Variants in CACNA1C observed in about 807,000 individuals in gnomAD.
The protein encoded by CACNA1C is calcium voltage-gated channel subunit alpha1 C, also known as voltage-dependent L-type calcium channel subunit alpha-1C.
Under a neutral mutation model 229.0 loss-of-function variants are expected in CACNA1C, and 30 were observed. That is an observed-to-expected ratio of 0.13 (90% CI 0.10 to 0.18). CACNA1C has a LOEUF of 0.18. Ranked by LOEUF, CACNA1C falls within the 10% of genes least tolerant of loss-of-function variation. The pLI is 1.00. For synonymous variants in CACNA1C, 1,114 were observed against 1,132.5 expected (o/e 0.98, Z 0.33); for missense variants, 1,658 against 2,845.0 (o/e 0.58, Z 9.49).
At chr12:2,148,154 A>G (rs778320495) in intron 3 of CACNA1C, among the ~76,000 whole-genome samples, 3 of 151,376 alleles carry the variant, frequency 2.0e-5, no homozygotes, top group African/African-American at 4.8e-5. Context: ...AAGCCTAAAT[A>G]TATCACTCTG....
chr12:2,319,834 A>G lies in CACNA1C; in HGVS notation c.478-129142A>G, dbSNP rs1183760530. 6.6e-6 allele frequency among the ~76,000 whole-genome samples: 1 copy of G among 152,026 alleles called. No homozygotes were observed. Among genetic ancestry groups the G allele is most frequent in the African/African-American group, 2.4e-5 (1 of 41,392 alleles). On this transcript the variant is annotated intron_variant, in intron 3 of 46. Coordinates refer to ENST00000399655, the MANE Select transcript of CACNA1C (RefSeq NM_000719.7). The surrounding 1 kb of genome is among the most constrained non-coding windows in gnomAD (Gnocchi z 4.0). ...AAGAGCCTGCCAGGTATCCCCTTCTAGCAGGAGGGGCCCCCAGACATTTCA... is the reference window on the plus strand; with the variant it reads ...AAGAGCCTGCCAGGTATCCCCTTCTGGCAGGAGGGGCCCCCAGACATTTCA...
At chr12:2,572,808 TCTCCTCTCCTC>T (rs2056660744) in intron 13 of CACNA1C, among the ~76,000 whole-genome samples, 1 of 63,332 alleles carries the variant, frequency 1.6e-5, no homozygotes. Context: ...CTCTCCTCCT[TCTCCTCTCCTC>T]CTCCTCCCCT....
intron 27 of CACNA1C, among the ~76,000 whole-genome samples, chr12:2,609,643 A>G (rs1042353233): frequency 3.3e-5 from 5 of 151,172 alleles, no homozygotes; most frequent in African/African-American, 1.2e-4. Flanking sequence ...CAGGCGTTGG[A>G]CACCGGGGCT....
intron 5 of CACNA1C, among the ~76,000 whole-genome samples, chr12:2,466,164 A>G (rs1180753893): frequency 7.2e-5 from 11 of 152,160 alleles, no homozygotes; most frequent in Admixed American, 7.2e-4. Flanking sequence ...CACTGAGGGC[A>G]CATTAGGGCT....
chr12:2,163,823 G>C (rs768112925), intron 3 of CACNA1C, among the ~76,000 whole-genome samples: 2 of 152,190 alleles, frequency 1.3e-5, no homozygotes, highest in African/African-American at 4.8e-5. Context: ...CAAAGCAAGG[G>C]CTATTTGTGG....
chr12:2,148,904 G>T (rs1275747256), intron 3 of CACNA1C, among the ~76,000 whole-genome samples: 1 of 152,172 alleles, frequency 6.6e-6, no homozygotes, highest in Non-Finnish European at 1.5e-5. Context: ...CAGCCTGGCG[G>T]GTGGCCCTGG....
chr12:2,438,155 G>T (rs1054087559), intron 3 of CACNA1C, among the ~76,000 whole-genome samples: 1 of 124,824 alleles, frequency 8.0e-6, no homozygotes, highest in Non-Finnish European at 1.7e-5. Flanking sequence ...TGATAGTGGG[G>T]ATGGTAGTGG....
intron 18 of CACNA1C, among the ~76,000 whole-genome samples, chr12:2,589,612 C>CAGGGGA (rs1215149464): frequency 6.6e-6 from 1 of 152,014 alleles, no homozygotes; most frequent in Non-Finnish European, 1.5e-5. Context: ...GAGGCTGGGT[C>CAGGGGA]TGATCCAGTG....
At chr12:2,615,914 T>G (rs1457962582) in intron 29 of CACNA1C, among the ~76,000 whole-genome samples, 3 of 152,158 alleles carry the variant, frequency 2.0e-5, no homozygotes, top group Non-Finnish European at 2.9e-5. Flanking sequence ...AGGCAGGGGT[T>G]CACCCCGTGG....
intron 5 of CACNA1C, among the ~76,000 whole-genome samples, chr12:2,465,686 A>G (rs1324211026): frequency 1.3e-5 from 2 of 152,188 alleles, no homozygotes; most frequent in Non-Finnish European, 2.9e-5. Flanking sequence ...CAAAACGTTC[A>G]AAAAAACCGC....
intron 5 of CACNA1C, among the ~76,000 whole-genome samples, chr12:2,478,913 G>T (rs1474930015): frequency 6.6e-6 from 1 of 152,188 alleles, no homozygotes; most frequent in African/African-American, 2.4e-5. Flanking sequence ...CTCAAGAAAG[G>T]GAACCTTGAT....
intron 13 of CACNA1C, 89 bp downstream of exon 13, chr12:2,567,883 G>C (rs1157820545): frequency 1.4e-6 from 1 of 728,132 alleles, no homozygotes; most frequent in East Asian, 2.7e-5. Context: ...TGGGTGGGAG[G>C]GGGGCTGTTC....
chr12:2,611,816 G>A, intron 28 of CACNA1C, 87 bp from the exon 29 acceptor site: 2 of 787,956 alleles, frequency 2.5e-6, no homozygotes, highest in South Asian at 1.6e-5. Context: ...GCTGAGGCGA[G>A]GGCCTTCGAG....
intron 3 of CACNA1C, among the ~76,000 whole-genome samples, chr12:2,270,508 G>A (rs1388281620): frequency 1.3e-5 from 2 of 152,200 alleles, no homozygotes; most frequent in Non-Finnish European, 2.9e-5. Context: ...CTTGCTGAGT[G>A]GCCTGAGTTC....
At chr12:2,460,380 C>T (rs555753849) in intron 5 of CACNA1C, among the ~76,000 whole-genome samples, 3 of 152,288 alleles carry the variant, frequency 2.0e-5, no homozygotes, top group African/African-American at 7.2e-5. Context: ...ACATAGCAGC[C>T]TACCACAAAG....
At chr12:2,463,592 G>T (rs188539996) in intron 5 of CACNA1C, among the ~76,000 whole-genome samples, 12 of 152,314 alleles carry the variant, frequency 7.9e-5, no homozygotes, top group Non-Finnish European at 1.5e-4. Context: ...AATCAGGAGA[G>T]CCTTCTTGGA....
intron 1 of CACNA1C, among the ~76,000 whole-genome samples, chr12:1,996,993 T>C (rs1257523027): frequency 6.6e-6 from 1 of 152,244 alleles, no homozygotes; most frequent in Non-Finnish European, 1.5e-5. Context: ...GTGATGACCT[T>C]TGGCTATGAC....
intron 3 of CACNA1C, among the ~76,000 whole-genome samples, chr12:2,256,435 C>T (rs1163027861): frequency 6.6e-6 from 1 of 152,144 alleles, no homozygotes; most frequent in East Asian, 1.9e-4. Context: ...TAGAAGAAAA[C>T]AACTGCTTAA....
chr12:2,097,774 G>A (rs1255981686), intron 1 of CACNA1C, among the ~76,000 whole-genome samples: 1 of 152,312 alleles, frequency 6.6e-6, no homozygotes, highest in Admixed American at 6.5e-5. Context: ...GGCCACCTCT[G>A]CAGCTGGGAG....
Sources: allele counts gnomAD v4.1 joint callset (sites outside exome capture counted in the v4.1 genomes callset), GRCh38; gene constraint gnomAD v4.1.1; non-coding constraint Gnocchi (gnomAD v3.1); transcripts MANE v1.5; gene names NCBI Gene and HGNC (gene_info 2026-07-23, HGNC 2026-07-21).